SGCZ: variants seen among roughly 807,000 people sequenced by gnomAD.
SGCZ encodes sarcoglycan zeta.
A neutral mutation model predicts 41.3 loss-of-function variants in SGCZ; 40 were observed. The observed-to-expected ratio is 0.97, with a 90% CI of 0.75 to 1.26. The LOEUF is 1.26. SGCZ is among the 50% of genes most tolerant of loss of function. SGCZ has a pLI of 0.00. For missense variants in SGCZ, 552 were observed against 369.8 expected (o/e 1.49, Z -4.04); for synonymous variants, 206 against 137.5 (o/e 1.50, Z -3.49).
rs562373074 is a variant in SGCZ at position 14,996,668 on chromosome 8, C to T, written c.39+240917G>A. On this transcript the variant is annotated intron_variant, in intron 1 of 7. Transcript: ENST00000382080. ...GCTGTGTATTCTTCCAGTATTCTCTCAAAGTTCTAGATATGGTTAGCAAAC... is the reference window on the plus strand; with the variant it reads ...GCTGTGTATTCTTCCAGTATTCTCTTAAAGTTCTAGATATGGTTAGCAAAC... 2.0e-5 allele frequency among the ~76,000 whole-genome samples: 3 copies of T among 152,316 alleles called. No individual in the cohort carries two copies. The East Asian group carries it at 5.8e-4, about 29-fold the overall frequency.
intron 2 of SGCZ, among the ~76,000 whole-genome samples, chr8:14,426,766 A>G (rs1799793987): frequency 6.6e-6 from 1 of 152,172 alleles, no homozygotes. Context: ...TATGCTGAGA[A>G]AAAGGTACAG....
chr8:14,116,859 T>C (rs1197192378), intron 5 of SGCZ, among the ~76,000 whole-genome samples: 1 of 152,140 alleles, frequency 6.6e-6, no homozygotes, highest in African/African-American at 2.4e-5. Context: ...TAATGAAGTT[T>C]CTACAGCAAG....
chr8:14,413,841 A>G (rs1157065984), intron 2 of SGCZ, among the ~76,000 whole-genome samples: 1 of 151,910 alleles, frequency 6.6e-6, no homozygotes, highest in Non-Finnish European at 1.5e-5. Context: ...AAATCCTAGG[A>G]GAACAGAATC....
At chr8:14,523,443 G>GT (rs1299475238) in intron 2 of SGCZ, among the ~76,000 whole-genome samples, 2 of 151,998 alleles carry the variant, frequency 1.3e-5, no homozygotes, top group Non-Finnish European at 2.9e-5. Context: ...CAGGATTCTA[G>GT]TTTAAGTTTT....
chr8:15,108,678 T>G (rs950359823), intron 1 of SGCZ, among the ~76,000 whole-genome samples: 1 of 152,196 alleles, frequency 6.6e-6, no homozygotes, highest in Non-Finnish European at 1.5e-5. Flanking sequence ...TCTCTAAACC[T>G]GATTCCACAG....
chr8:15,023,911 C>G (rs1453983018), intron 1 of SGCZ, among the ~76,000 whole-genome samples: 2 of 152,202 alleles, frequency 1.3e-5, no homozygotes, highest in East Asian at 3.9e-4. Context: ...GAAAAGTTTC[C>G]CAGTCGGCTT....
intron 1 of SGCZ, among the ~76,000 whole-genome samples, chr8:15,216,376 C>T (rs1406421806): frequency 2.0e-5 from 3 of 151,812 alleles, no homozygotes; most frequent in Non-Finnish European, 4.4e-5. Flanking sequence ...CGCACCACCA[C>T]GCCTGGCTAA....
Position 15,109,555 on chromosome 8 carries a change from G to T in SGCZ, c.39+128030C>A, listed in dbSNP as rs77465940. Reference sequence around the variant, plus strand: ...ATTGCAAATTTGAATAACATTACAGGATGTCTGTATCTTAAGCAGTTCTAC... The same window carrying T: ...ATTGCAAATTTGAATAACATTACAGTATGTCTGTATCTTAAGCAGTTCTAC... On this transcript the variant is annotated intron_variant, in intron 1 of 7. Coordinates refer to ENST00000382080, the MANE Select transcript of SGCZ (RefSeq NM_139167.4). Among the ~76,000 whole-genome samples, 1,225 of 152,178 alleles carry T rather than the reference G, an allele frequency of 8.0e-3. 16 individuals are homozygous for T. The highest frequency in any genetic ancestry group is 0.029 in the African/African-American group (1,190 of 41,496).
At chr8:14,147,792 T>C (rs993695804) in intron 5 of SGCZ, among the ~76,000 whole-genome samples, 3 of 152,150 alleles carry the variant, frequency 2.0e-5, no homozygotes, top group East Asian at 1.9e-4. Context: ...TTATCAGGGA[T>C]AGACTATATG....
intron 1 of SGCZ, among the ~76,000 whole-genome samples, chr8:14,619,283 T>G (rs1023351479): frequency 2.0e-5 from 3 of 151,946 alleles, no homozygotes; most frequent in Non-Finnish European, 4.4e-5. Flanking sequence ...ATTGATGGGA[T>G]GTATCTCAAA....
At chr8:15,130,887 A>G (rs1451538124) in intron 1 of SGCZ, among the ~76,000 whole-genome samples, 3 of 152,180 alleles carry the variant, frequency 2.0e-5, no homozygotes, top group Non-Finnish European at 4.4e-5. Flanking sequence ...TTTTCACAAT[A>G]TTCTTAACAC....
chr8:14,216,112 G>C (rs1805985219), intron 4 of SGCZ, among the ~76,000 whole-genome samples: 1 of 152,200 alleles, frequency 6.6e-6, no homozygotes, highest in South Asian at 2.1e-4. Context: ...GCCCTCCCCT[G>C]AGAGAGTAGC....
chr8:15,030,220 G>A (rs1585490669), intron 1 of SGCZ, among the ~76,000 whole-genome samples: 2 of 152,080 alleles, frequency 1.3e-5, no homozygotes, highest in East Asian at 1.9e-4. Flanking sequence ...ATCTAAAATG[G>A]GTTGTGAAGG....
At chr8:14,518,239 T>C (rs2117093429) in intron 2 of SGCZ, among the ~76,000 whole-genome samples, 1 of 152,142 alleles carries the variant, frequency 6.6e-6, no homozygotes, top group African/African-American at 2.4e-5. Context: ...CTTGCTATTG[T>C]TGGATTTCAA....
At chr8:15,071,098 G>T (rs1805334764) in intron 1 of SGCZ, among the ~76,000 whole-genome samples, 1 of 152,070 alleles carries the variant, frequency 6.6e-6, no homozygotes, top group African/African-American at 2.4e-5. Context: ...CATTTTTTTA[G>T]AAAAACTTGA....
chr8:14,335,630 T>C (rs778316709), intron 2 of SGCZ, among the ~76,000 whole-genome samples: 6 of 152,138 alleles, frequency 3.9e-5, no homozygotes, highest in Non-Finnish European at 7.4e-5. Flanking sequence ...ATGGCATATA[T>C]TATTGTCTCT....
At chr8:14,097,868 C>T (rs1271663607) in intron 7 of SGCZ, among the ~76,000 whole-genome samples, 12 of 152,100 alleles carry the variant, frequency 7.9e-5, no homozygotes, top group Admixed American at 7.2e-4. Context: ...CTTTTGATCT[C>T]TGTTAGTTTA....
intron 2 of SGCZ, among the ~76,000 whole-genome samples, chr8:14,357,555 G>C (rs777221176): frequency 1.3e-5 from 2 of 152,064 alleles, no homozygotes; most frequent in South Asian, 2.1e-4. Context: ...TAACAAAATA[G>C]GTAAGACATA....
chr8:14,407,933 T>C (rs1799255795), intron 2 of SGCZ, among the ~76,000 whole-genome samples: 1 of 152,186 alleles, frequency 6.6e-6, no homozygotes, highest in Non-Finnish European at 1.5e-5. Flanking sequence ...GCTTTTCACT[T>C]ATTTTTGTCT....
Sources: gnomAD v4.1 joint callset for allele counts (sites outside exome capture counted in the v4.1 genomes callset) on GRCh38, gnomAD v4.1.1 for gene constraint, MANE v1.5 for transcripts, NCBI Gene and HGNC (gene_info 2026-07-23, HGNC 2026-07-21) for gene names.